Variants in GRID1 observed in about 807,000 individuals in gnomAD.
The protein encoded by GRID1 is glutamate receptor ionotropic, delta-1.
Under a neutral mutation model 98.0 loss-of-function variants are expected in GRID1, and 28 were observed. The ratio of observed to expected loss-of-function variants is 0.29; its 90% CI spans 0.21 to 0.39. The LOEUF is 0.39. Ranked by LOEUF, GRID1 falls within the 10% of genes least tolerant of loss-of-function variation. GRID1 has a pLI of 1.00. For missense variants in GRID1, 1,111 were observed against 1,340.5 expected, an observed-to-expected ratio of 0.83 and a Z score of 2.67; for synonymous variants, 553 against 538.5, an observed-to-expected ratio of 1.03 and a Z score of -0.37.
intron 8 of GRID1, among the ~76,000 whole-genome samples, chr10:85,757,226 A>G (rs1842107944): frequency 6.6e-6 from 1 of 152,330 alleles, no homozygotes; most frequent in Middle Eastern, 3.4e-3. Context: ...CTCGCTTGGA[A>G]GAACAAGCCT....
intron 2 of GRID1, among the ~76,000 whole-genome samples, chr10:86,243,839 G>A (rs187450576): frequency 2.4e-4 from 36 of 152,266 alleles, no homozygotes; most frequent in Middle Eastern, 3.4e-3. Flanking sequence ...CAGATGTCAC[G>A]GCCGAGCAGG....
intron 8 of GRID1, among the ~76,000 whole-genome samples, chr10:85,773,169 A>G (rs1842291177): frequency 1.3e-5 from 2 of 152,370 alleles, no homozygotes; most frequent in East Asian, 1.9e-4. Flanking sequence ...CTGGTTCAAT[A>G]TACACAAATC....
intron 12 of GRID1, among the ~76,000 whole-genome samples, chr10:85,690,671 G>A (rs555185934): frequency 6.6e-6 from 1 of 152,124 alleles, no homozygotes; most frequent in Non-Finnish European, 1.5e-5. Context: ...ACCTTCTAGG[G>A]ATCACTTTTT....
At chr10:85,686,524 T>C (rs137928384) in intron 12 of GRID1, among the ~76,000 whole-genome samples, 353 of 152,284 alleles carry the variant, frequency 2.3e-3, no homozygotes, top group Non-Finnish European at 4.2e-3. Context: ...TCTAAATAAA[T>C]GGACTAGTCC....
In GRID1 at chr10:86,196,345, G is replaced by T. The variant is rs137856150; in HGVS notation, c.520+10019C>A. ...TGTACCCAGCATTGTCCTGGGTACT[G>T]CGGAGGAGTAAGAAAAACGAGAAAT... On this transcript the variant is annotated intron_variant, in intron 3 of 15. Transcript: ENST00000327946. Among the ~76,000 whole-genome samples, 182 of 152,160 alleles carry T rather than the reference G, an allele frequency of 1.2e-3. 2 individuals are homozygous for T. Among genetic ancestry groups the T allele is most frequent in the African/African-American group, 4.2e-3 (176 of 41,528 alleles).
At chr10:86,305,592 T>G (rs1589443707) in intron 2 of GRID1, among the ~76,000 whole-genome samples, 1 of 151,154 alleles carries the variant, frequency 6.6e-6, no homozygotes, top group South Asian at 2.1e-4. Context: ...TGGGGAGGAG[T>G]GAGGGCCTCT....
chr10:85,611,477 G>A (rs192645003), intron 15 of GRID1, among the ~76,000 whole-genome samples: 1 of 152,308 alleles, frequency 6.6e-6, no homozygotes, highest in Admixed American at 6.5e-5. Context: ...CATCCACCTG[G>A]AGACCCTCCC....
Position 85,805,994 on chromosome 10 carries a change from T to TA in GRID1, c.1233+48501dup, listed in dbSNP as rs910157986. ...ATTGGACCCCATAACTATCATGCTT[T>TA]AAAAAAAAAAAAGTCCATTAAGGAA... On this transcript the variant is annotated intron_variant, in intron 8 of 15. Transcript: ENST00000327946. Among the ~76,000 whole-genome samples the TA allele has an allele frequency of 2.4e-3, 340 of 141,374 alleles. 1 individual carries two copies. Among genetic ancestry groups the TA allele is most frequent in the Middle Eastern group, 0.015 (4 of 272 alleles). The allele number at this position is 141,374 out of a possible 152,430, so 92.7% of individuals were successfully genotyped here. A position where few individuals can be genotyped will look rare whatever the true frequency, so the allele number is the denominator to read the frequency against.
chr10:85,840,867 T>C (rs1203576818), intron 8 of GRID1, among the ~76,000 whole-genome samples: 2 of 152,232 alleles, frequency 1.3e-5, no homozygotes, highest in East Asian at 1.9e-4. Flanking sequence ...AAAACATTCA[T>C]GCTCATGGAT....
At chr10:86,166,033 T>C (rs770814225) in intron 3 of GRID1, among the ~76,000 whole-genome samples, 25 of 152,218 alleles carry the variant, frequency 1.6e-4, no homozygotes, top group Non-Finnish European at 2.6e-4. Flanking sequence ...TGGCTAACTA[T>C]GGAGTAAATG....
intron 8 of GRID1, among the ~76,000 whole-genome samples, chr10:85,775,266 A>G (rs2132718406): frequency 6.7e-6 from 1 of 149,648 alleles, no homozygotes; most frequent in African/African-American, 2.5e-5. Flanking sequence ...CATAGGTGGG[A>G]ATTGAACAAT....
At chr10:86,180,289 GC>G (rs1845636856) in intron 3 of GRID1, among the ~76,000 whole-genome samples, 1 of 152,128 alleles carries the variant, frequency 6.6e-6, no homozygotes, top group African/African-American at 2.4e-5. Flanking sequence ...ACAGGCAGGA[GC>G]CCCTCATTTT....
chr10:85,709,850 T>C (rs1192253248), intron 12 of GRID1, among the ~76,000 whole-genome samples: 1 of 152,212 alleles, frequency 6.6e-6, no homozygotes, highest in Non-Finnish European at 1.5e-5. Context: ...TGCTGTTCTA[T>C]ATGTCTGTTG....
chr10:85,728,650 C>T (rs1010032470), intron 9 of GRID1, among the ~76,000 whole-genome samples: 1 of 152,230 alleles, frequency 6.6e-6, no homozygotes, highest in Admixed American at 6.5e-5. Flanking sequence ...TGCTATGCCA[C>T]ATGTGAGCGA....
intron 5 of GRID1, among the ~76,000 whole-genome samples, chr10:85,890,742 G>T (rs1408770552): frequency 1.3e-5 from 2 of 151,986 alleles, no homozygotes; most frequent in Non-Finnish European, 2.9e-5. Context: ...AGAAGGGAAG[G>T]GAAGGAGGAA....
intron 13 of GRID1, among the ~76,000 whole-genome samples, chr10:85,632,562 C>T (rs1313208573): frequency 2.6e-5 from 4 of 151,892 alleles, no homozygotes; most frequent in African/African-American, 9.7e-5. Context: ...TTAACATATA[C>T]TTTTTAAGGT....
At chr10:86,088,294 G>C (rs1396224369) in intron 4 of GRID1, among the ~76,000 whole-genome samples, 1 of 152,216 alleles carries the variant, frequency 6.6e-6, no homozygotes, top group East Asian at 1.9e-4. Flanking sequence ...AAGGAAAAGA[G>C]AGAGAGGGAG....
intron 15 of GRID1, among the ~76,000 whole-genome samples, chr10:85,603,123 A>T (rs1033341738): frequency 6.6e-6 from 1 of 152,224 alleles, no homozygotes; most frequent in Non-Finnish European, 1.5e-5. Flanking sequence ...CAAGATGATG[A>T]AAAGACTTTG....
chr10:86,163,099 C>T (rs894776613), intron 3 of GRID1, among the ~76,000 whole-genome samples: 12 of 152,180 alleles, frequency 7.9e-5, no homozygotes, highest in South Asian at 2.1e-4. Context: ...AGGCAGGGAG[C>T]GGGAGTGACT....
Sources: allele counts gnomAD v4.1 joint callset (sites outside exome capture counted in the v4.1 genomes callset), GRCh38; gene constraint gnomAD v4.1.1; transcripts MANE v1.5; gene names NCBI Gene and HGNC (gene_info 2026-07-23, HGNC 2026-07-21).